Variants in TMEM59 observed in about 807,000 individuals in gnomAD.
TMEM59 encodes the protein dendritic cell factor 1.
A neutral mutation model predicts 42.2 loss-of-function variants in TMEM59; 44 were observed. That is an observed-to-expected ratio of 1.04 (90% CI 0.82 to 1.34). TMEM59 has a LOEUF of 1.34. Ranked by LOEUF, TMEM59 falls within the 40% of genes most tolerant of loss-of-function variation. The pLI, the probability that TMEM59 is intolerant of heterozygous loss-of-function variation, is 0.00. For missense variants in TMEM59, 359 were observed against 382.8 expected (o/e 0.94, Z 0.52); for synonymous variants, 148 against 145.8 (o/e 1.02, Z -0.11).
At chr1:54,036,071 A>G (rs990290970) in intron 7 of TMEM59, among the ~76,000 whole-genome samples, 2 of 152,198 alleles carry the variant, frequency 1.3e-5, no homozygotes, top group African/African-American at 4.8e-5. Context: ...GTCACTTGAG[A>G]TCAGGAGTTC....
chr1:54,040,685 A>C, intron 6 of TMEM59, 71 bp downstream of exon 6: 1 of 1,175,068 alleles, frequency 8.5e-7, no homozygotes, highest in Non-Finnish European at 1.2e-6. Flanking sequence ...TTAAAATAAT[A>C]AAAAGTAATA....
intron 6 of TMEM59, among the ~76,000 whole-genome samples, chr1:54,040,367 G>A (rs1657098086): frequency 6.6e-6 from 1 of 151,992 alleles, no homozygotes; most frequent in Non-Finnish European, 1.5e-5. Context: ...TGGCCAGGCT[G>A]GTCTCGAACT....
intron 1 of TMEM59, chr1:54,047,649 GAA>G: frequency 2.8e-6 from 1 of 356,536 alleles, no homozygotes; most frequent in African/African-American, 2.2e-5. Context: ...CTGTGGGGGG[GAA>G]AAATTAAAAA....
rs1256443269 is a variant in TMEM59, at chr1:54,030,543, T to C, written c.*1607A>G. ...CCTGACCTCAAGTGATCCTCCTGCT[T>C]TGGCCTCCCAAAGTGCTGGGATTAC... On this transcript the variant is annotated 3_prime_UTR_variant, in exon 8 of 8. Coordinates refer to ENST00000234831, the MANE Select transcript of TMEM59 (RefSeq NM_004872.5). The C allele has an allele frequency of 6.6e-6, 1 of 152,374 alleles. No homozygotes were observed. The highest frequency in any genetic ancestry group is 1.5e-5 in the Non-Finnish European group (1 of 68,186). The allele number at this position is 152,374 out of a possible 1,614,324, so 9.4% of individuals were successfully genotyped here.
chr1:54,040,936 GTT>G, intron 5 of TMEM59, 99 bp from the exon 6 acceptor site: 1 of 914,862 alleles, frequency 1.1e-6, no homozygotes. Flanking sequence ...ATATCCAATT[GTT>G]TTTGTTTGTG....
chr1:54,048,710 CCA>C (rs1557680644), intron 1 of TMEM59: 1 of 423,646 alleles, frequency 2.4e-6, no homozygotes, highest in African/African-American at 2.1e-5. Context: ...TGTGCATATA[CCA>C]GTTAGCAACC....
At chr1:54,041,843 T>G in intron 4 of TMEM59, 38 bp from the exon 5 acceptor site, 2 of 1,536,518 alleles carry the variant, frequency 1.3e-6, no homozygotes, top group Non-Finnish European at 1.8e-6. Flanking sequence ...CATTTGTACT[T>G]CTTTAGCTTT....
In TMEM59 at chr1:54,028,048, T is replaced by C. The variant is rs1656655685; in HGVS notation, c.*4102A>G. ...TACCCAAATGCAAACATGACACGCT[T>C]AGCAACTGGAAACCTGGTGGGAGGG... On this transcript the variant is annotated 3_prime_UTR_variant, in exon 8 of 8. Coordinates refer to ENST00000234831, the MANE Select transcript of TMEM59 (RefSeq NM_004872.5). 1 of 152,248 alleles carries C rather than the reference T, an allele frequency of 6.6e-6. No individual in the cohort carries two copies. Among genetic ancestry groups the C allele is most frequent in the Non-Finnish European group, 1.5e-5 (1 of 68,068 alleles). 9.4% of individuals were successfully genotyped at this position (152,248 alleles called of 1,614,324 possible).
intron 1 of TMEM59, among the ~76,000 whole-genome samples, chr1:54,051,017 TTTTTTG>T (rs1657519598): frequency 6.6e-6 from 1 of 151,054 alleles, no homozygotes; most frequent in Non-Finnish European, 1.5e-5. Context: ...CCTGGCTAGT[TTTTTTG>T]TTTTTCTTTT....
At chr1:54,040,492 G>A (rs1375401785) in intron 6 of TMEM59, among the ~76,000 whole-genome samples, 1 of 152,144 alleles carries the variant, frequency 6.6e-6, no homozygotes, top group Non-Finnish European at 1.5e-5. Context: ...TAAATGTGTG[G>A]AGAAGCACAT....
At position 54,045,775 on chromosome 1, in the gene TMEM59, C is replaced by G; in HGVS notation, c.307G>C (p.Ala103Pro). The change falls in exon 3 of 8, where the codon GCA (alanine) becomes CCA (proline). Residue 103 changes from alanine (A) to proline (P), a missense_variant. Physicochemically the swap from Ala to Pro is conservative, Grantham distance 27. Coordinates refer to ENST00000234831, the MANE Select transcript of TMEM59 (RefSeq NM_004872.5). ...TATTGCTCATCAGATTGGGAATATGCTTCTGTACATGCTGTAAGAGAAAAA... is the reference window on the plus strand; with the variant it reads ...TATTGCTCATCAGATTGGGAATATGGTTCTGTACATGCTGTAAGAGAAAAA... ...KLECESACTEAYSQSDEQYAC... is the reference protein window; with the variant it reads ...KLECESACTEPYSQSDEQYAC... 3 of 1,613,378 alleles carry G rather than the reference C, an allele frequency of 1.9e-6. No homozygotes were observed. Among genetic ancestry groups the G allele is most frequent in the Non-Finnish European group, 2.5e-6 (3 of 1,179,626 alleles).
At chr1:54,033,483 T>C (rs1348464215) in intron 7 of TMEM59, 2 of 151,420 alleles carry the variant, frequency 1.3e-5, no homozygotes, top group East Asian at 3.9e-4. Flanking sequence ...ATGCCTGTAA[T>C]TCCAGCTACT....
At chr1:54,036,223 G>A (rs1656944921) in intron 7 of TMEM59, among the ~76,000 whole-genome samples, 1 of 152,004 alleles carries the variant, frequency 6.6e-6, no homozygotes, top group African/African-American at 2.4e-5. Context: ...AGAGGTTGCA[G>A]TGAGCCAAGA....
chr1:54,053,141 G>T lies in TMEM59; in HGVS notation c.48C>A (p.Leu16=). The T allele has an allele frequency of 6.2e-7, 1 of 1,614,242 alleles. No individual in the cohort carries two copies. Among genetic ancestry groups the T allele is most frequent in the Non-Finnish European group, 8.5e-7 (1 of 1,180,034 alleles). The change falls in exon 1 of 8, where the codon CTC becomes CTA. Residue 16 remains leucine, a synonymous_variant. Coordinates refer to ENST00000234831, the MANE Select transcript of TMEM59 (RefSeq NM_004872.5). ...GSLWVRTQLG[L]PPLLLLTMAL... ...CCATGGTCAGCAGCAGCAGCGGCGGGAGCCCCAGTTGGGTCCTCACCCAGA... is the reference window on the plus strand; with the variant it reads ...CCATGGTCAGCAGCAGCAGCGGCGGTAGCCCCAGTTGGGTCCTCACCCAGA...
In TMEM59 at chr1:54,053,170, T is replaced by G. The variant is rs371015163; in HGVS notation, c.19A>C (p.Ser7Arg). ...CCCAGTTGGGTCCTCACCCAGAGGC[T>G]CCCCTTCGGCGCCGCCATCTTGTTC... The part of the protein sequence containing the change: MAAPKG[S>R]LWVRTQLGLP... Residue 7 changes from serine to arginine, a missense_variant, in exon 1 of 8, where the codon AGC (serine) becomes CGC (arginine). Physicochemically the swap from Ser to Arg is moderately radical, Grantham distance 110. Transcript: ENST00000234831. The G allele has an allele frequency of 5.6e-6, 9 of 1,614,018 alleles. No homozygotes were observed. Among genetic ancestry groups the G allele is most frequent in the Middle Eastern group, 1.7e-4 (1 of 6,058 alleles).
chr1:54,045,855 G>A lies in TMEM59; in HGVS notation c.296-69C>T, dbSNP rs190508157. 28 of 1,393,208 alleles carry A rather than the reference G, an allele frequency of 2.0e-5. No individual in the cohort carries two copies. In the Admixed American group the frequency reaches 2.9e-4, roughly 14 times the overall value. The allele number at this position is 1,393,208 out of a possible 1,614,324, so 86.3% of individuals were successfully genotyped here. ...GGGAAAGAGGAAAGAAAAGGATTTG[G>A]CATTTTATTAAAAAAATTTTTATAC... On this transcript the variant is annotated intron_variant, in intron 2 of 7. Transcript: ENST00000234831.
At chr1:54,035,955 G>A (rs1656931783) in intron 7 of TMEM59, among the ~76,000 whole-genome samples, 4 of 152,070 alleles carry the variant, frequency 2.6e-5, no homozygotes, top group Admixed American at 6.5e-5. Context: ...CCTTAATATT[G>A]TGGTAATTAA....
At chr1:54,047,031 A>T (rs1657362026) in intron 2 of TMEM59, among the ~76,000 whole-genome samples, 1 of 152,232 alleles carries the variant, frequency 6.6e-6, no homozygotes, top group African/African-American at 2.4e-5. Context: ...GCTTGGTTAA[A>T]CAAAGGTGTC....
intron 3 of TMEM59, chr1:54,045,399 A>C: frequency 5.9e-6 from 2 of 339,654 alleles, no homozygotes; most frequent in African/African-American, 2.1e-5. Context: ...AAGAACTCTG[A>C]AATAATTCCT....
Sources: allele counts gnomAD v4.1 joint callset (sites outside exome capture counted in the v4.1 genomes callset), GRCh38; gene constraint gnomAD v4.1.1; transcripts MANE v1.5; gene names NCBI Gene and HGNC (gene_info 2026-07-23, HGNC 2026-07-21).